PSIP1: variants seen among roughly 807,000 people sequenced by gnomAD.
PSIP1 encodes PC4 and SFRS1-interacting protein.
In PSIP1, 19 loss-of-function variants were observed where a neutral mutation model predicts 74.7. The ratio of observed to expected loss-of-function variants is 0.25; its 90% CI spans 0.18 to 0.37. PSIP1 has a LOEUF of 0.37. Among genes scored for constraint, PSIP1 ranks in the 10% least tolerant of loss-of-function variants. The pLI is 1.00. For synonymous variants in PSIP1, 222 were observed against 195.3 expected (o/e 1.14, Z -1.14); for missense variants, 601 against 614.3 (o/e 0.98, Z 0.23).
chr9:15,486,924 G>C lies in PSIP1; in HGVS notation c.296C>G (p.Thr99Ser), dbSNP rs1355515622. 6.2e-7 allele frequency: 1 copy of C among 1,602,922 alleles called. No homozygotes were observed. The highest frequency in any genetic ancestry group is 8.5e-7 in the Non-Finnish European group (1 of 1,172,452). ...ATCAGATGATGCATTTGATTGTTTA[G>C]TTGCTGCCTGTGAGCAATCAACTCT... ...KVKFSSQQAA[T>S]KQSNASSDVE... Residue 99 changes from threonine to serine, a missense_variant, in exon 5 of 16, where the codon ACT becomes AGT. Around this residue, in one of 2 missense-constraint regions of PSIP1, gnomAD observed 538 missense variants for 507.6 expected, o/e 1.06. Coordinates refer to ENST00000380733, the MANE Select transcript of PSIP1 (RefSeq NM_033222.5).
chr9:15,484,122 ACT>A (rs1405771493), intron 6 of PSIP1, among the ~76,000 whole-genome samples: 1 of 145,242 alleles, frequency 6.9e-6, no homozygotes, highest in African/African-American at 2.6e-5. Context: ...ACAGAATGAA[ACT>A]CTGTATCCAA....
At chr9:15,502,060 C>A (rs1450845701) in intron 3 of PSIP1, among the ~76,000 whole-genome samples, 5 of 152,010 alleles carry the variant, frequency 3.3e-5, no homozygotes, top group Admixed American at 3.3e-4. Flanking sequence ...GTGCACTGCA[C>A]ATGCAAGGGA....
chr9:15,481,977 C>T (rs935821861), intron 6 of PSIP1, among the ~76,000 whole-genome samples: 2 of 152,080 alleles, frequency 1.3e-5, no homozygotes, highest in African/African-American at 4.8e-5. Flanking sequence ...AATATTTAAA[C>T]ATCTTAAATG....
chr9:15,478,127 TAAAAAAAAAAAAAA>T (rs570873100), intron 8 of PSIP1, among the ~76,000 whole-genome samples: 1 of 108,228 alleles, frequency 9.2e-6, no homozygotes, highest in Non-Finnish European at 2.0e-5. Context: ...ACCCCATCTT[TAAAAAAAAAAAAAA>T]AAAAAAAAAA....
intron 14 of PSIP1, 42 bp downstream of exon 14, chr9:15,468,588 G>A: frequency 6.3e-7 from 1 of 1,582,626 alleles, no homozygotes; most frequent in Non-Finnish European, 8.7e-7. Flanking sequence ...CTGGCAAATG[G>A]TTTAAAAACT....
chr9:15,510,912 G>C lies in PSIP1; in HGVS notation c.-237C>G. ...CTGCGCCACCAGCTGCCGCAGAGGC[G>C]TCTCAACGGCTCGGAATCGCAACCG... On this transcript the variant is annotated 5_prime_UTR_variant, in exon 1 of 16. Coordinates refer to ENST00000380733, the MANE Select transcript of PSIP1 (RefSeq NM_033222.5). 1 of 152,904 alleles carries C rather than the reference G, an allele frequency of 6.5e-6. No individual in the cohort carries two copies. The highest frequency in any genetic ancestry group is 1.5e-5 in the Non-Finnish European group (1 of 68,304). The allele number at this position is 152,904 out of a possible 1,614,324, so 9.5% of individuals were successfully genotyped here. A position where few individuals can be genotyped will look rare whatever the true frequency, so the allele number is the denominator to read the frequency against.
intron 11 of PSIP1, 94 bp from the exon 12 acceptor site, chr9:15,469,430 A>G: frequency 1.4e-6 from 1 of 706,072 alleles, no homozygotes; most frequent in Middle Eastern, 2.6e-4. Flanking sequence ...TGGACTTAAA[A>G]AAAAAATGTT....
intron 4 of PSIP1, among the ~76,000 whole-genome samples, chr9:15,488,345 A>T (rs2737841): frequency 4.0e-5 from 6 of 151,818 alleles, no homozygotes; most frequent in Non-Finnish European, 8.8e-5. Flanking sequence ...ACAACAACAA[A>T]AAAAAGAGTA....
chr9:15,500,876 G>T (rs373899304), intron 3 of PSIP1, among the ~76,000 whole-genome samples: 1 of 152,162 alleles, frequency 6.6e-6, no homozygotes, highest in African/African-American at 2.4e-5. Flanking sequence ...AAGGTAATTA[G>T]TCACCAAAAC....
At chr9:15,466,919 G>A (rs760759307) in intron 14 of PSIP1, 60 bp from the exon 15 acceptor site, 1 of 1,251,192 alleles carries the variant, frequency 8.0e-7, no homozygotes, top group Non-Finnish European at 1.2e-6. Flanking sequence ...AATTGAAGGT[G>A]TCCACTAAAG....
chr9:15,493,051 T>C lies in PSIP1; in HGVS notation c.150-2927A>G, dbSNP rs189771770. On this transcript the variant is annotated intron_variant, in intron 3 of 15. Transcript: ENST00000380733. Reference sequence around the variant, plus strand: ...CTTGGAGGTGTTTTCCCCATTGTCTTGGTGATTAGTGTTTGGCAGCCTGCT... The same window carrying C: ...CTTGGAGGTGTTTTCCCCATTGTCTCGGTGATTAGTGTTTGGCAGCCTGCT... 5.3e-5 allele frequency among the ~76,000 whole-genome samples: 8 copies of C among 152,292 alleles called. No homozygotes were observed. The East Asian group carries it at 1.5e-3, about 29-fold the overall frequency.
chr9:15,471,682 C>G (rs1383036043), intron 10 of PSIP1: 2 of 958,584 alleles, frequency 2.1e-6, no homozygotes, highest in East Asian at 2.3e-4. Context: ...GCTAAAACTA[C>G]TTGTATATCC....
chr9:15,477,335 T>C (rs1246825340), intron 8 of PSIP1, among the ~76,000 whole-genome samples: 1 of 152,188 alleles, frequency 6.6e-6, no homozygotes, highest in African/African-American at 2.4e-5. Flanking sequence ...TACATATTTT[T>C]ATTTTGTGGT....
chr9:15,508,722 G>T (rs2037713818), intron 2 of PSIP1, among the ~76,000 whole-genome samples: 1 of 152,172 alleles, frequency 6.6e-6, no homozygotes, highest in Non-Finnish European at 1.5e-5. Flanking sequence ...ATTTGAACGT[G>T]AATTGTGTTT....
At chr9:15,509,891 G>A (rs996916283) in intron 2 of PSIP1, among the ~76,000 whole-genome samples, 6 of 152,166 alleles carry the variant, frequency 3.9e-5, no homozygotes, top group African/African-American at 1.2e-4. Flanking sequence ...ATCTGTCCAA[G>A]TCTGCCAATA....
chr9:15,474,338 A>G (rs998141487), intron 8 of PSIP1, 101 bp from the exon 9 acceptor site: 6 of 1,019,244 alleles, frequency 5.9e-6, no homozygotes, highest in Non-Finnish European at 8.4e-6. Context: ...AATCTAAAAC[A>G]AAGTAAAAAG....
At chr9:15,489,892 C>A in intron 4 of PSIP1, 94 bp downstream of exon 4, 2 of 1,087,212 alleles carry the variant, frequency 1.8e-6, no homozygotes, top group Non-Finnish European at 2.5e-6. Flanking sequence ...TATGAAATTC[C>A]CAAGGCTTTT....
At chr9:15,483,104 C>T (rs2036407987) in intron 6 of PSIP1, among the ~76,000 whole-genome samples, 2 of 152,144 alleles carry the variant, frequency 1.3e-5, no homozygotes, top group Non-Finnish European at 2.9e-5. Context: ...TTTCTGCATC[C>T]TCTCAATAAA....
At chr9:15,466,329 G>T (rs1206726900) in intron 15 of PSIP1, among the ~76,000 whole-genome samples, 1 of 152,198 alleles carries the variant, frequency 6.6e-6, no homozygotes. Flanking sequence ...CAGTGAGCAC[G>T]ATCGTGCCAT....
Sources: allele counts gnomAD v4.1 joint callset (sites outside exome capture counted in the v4.1 genomes callset), GRCh38; gene constraint gnomAD v4.1.1; regional missense constraint gnomAD v4.1.1; transcripts MANE v1.5; gene names NCBI Gene and HGNC (gene_info 2026-07-23, HGNC 2026-07-21).